Variants in PPM1H observed in about 807,000 individuals in gnomAD.
PPM1H encodes the protein protein phosphatase 1H.
Under a neutral mutation model 54.9 loss-of-function variants are expected in PPM1H, and 27 were observed. The ratio of observed to expected loss-of-function variants is 0.49; its 90% CI spans 0.36 to 0.68. The LOEUF is 0.68. Ranked by LOEUF, PPM1H falls within the 30% of genes least tolerant of loss-of-function variation. PPM1H has a pLI of 0.00. For synonymous variants in PPM1H, 305 were observed against 270.8 expected, an observed-to-expected ratio of 1.13 and a Z score of -1.24; for missense variants, 596 against 667.8, an observed-to-expected ratio of 0.89 and a Z score of 1.19.
chr12:62,886,082 C>T (rs1199278172), intron 1 of PPM1H, among the ~76,000 whole-genome samples: 8 of 152,226 alleles, frequency 5.3e-5, no homozygotes, highest in Non-Finnish European at 1.2e-4. Flanking sequence ...CATCTACAGT[C>T]AATATTTTTT....
intron 1 of PPM1H, among the ~76,000 whole-genome samples, chr12:62,932,974 AAT>A (rs1441170294): frequency 6.6e-6 from 1 of 152,068 alleles, no homozygotes; most frequent in Non-Finnish European, 1.5e-5. Context: ...TCAGTCAAGA[AAT>A]AGTGTTTGGT....
chr12:62,815,789 C>G (rs1039414650), intron 2 of PPM1H, among the ~76,000 whole-genome samples: 2 of 152,128 alleles, frequency 1.3e-5, no homozygotes, highest in African/African-American at 4.8e-5. Context: ...GATAACACAT[C>G]TAGTAAGGGG....
chr12:62,874,616 A>G (rs928230924), intron 1 of PPM1H, among the ~76,000 whole-genome samples: 2 of 152,174 alleles, frequency 1.3e-5, no homozygotes, highest in Non-Finnish European at 2.9e-5. Flanking sequence ...GATCTAAGAA[A>G]CTAGGACACA....
At chr12:62,908,092 A>G (rs1871352709) in intron 1 of PPM1H, among the ~76,000 whole-genome samples, 1 of 152,206 alleles carries the variant, frequency 6.6e-6, no homozygotes, top group Non-Finnish European at 1.5e-5. Context: ...TACAATCAAA[A>G]TCGTGCATGC....
At chr12:62,914,389 G>T (rs982010005) in intron 1 of PPM1H, among the ~76,000 whole-genome samples, 1 of 152,120 alleles carries the variant, frequency 6.6e-6, no homozygotes, top group Admixed American at 6.5e-5. Context: ...CCTAGCCTTT[G>T]GTATTCCTTT....
At chr12:62,656,587 G>A (rs1439311800) in intron 9 of PPM1H, among the ~76,000 whole-genome samples, 1 of 152,148 alleles carries the variant, frequency 6.6e-6, no homozygotes, top group South Asian at 2.1e-4. Flanking sequence ...TTGTTGGGTG[G>A]GAACTTCAAT....
intron 6 of PPM1H, among the ~76,000 whole-genome samples, chr12:62,704,074 A>C (rs2076159810): frequency 1.3e-5 from 2 of 150,706 alleles, no homozygotes; most frequent in South Asian, 4.2e-4. Flanking sequence ...TTATATTTTA[A>C]ATGTCATCTT....
Position 62,657,258 on chromosome 12 carries a change from T to G in PPM1H, c.1398-8622A>C, listed in dbSNP as rs188121451. 1.4e-3 allele frequency among the ~76,000 whole-genome samples: 206 copies of G among 152,310 alleles called. 1 individual carries two copies. Among genetic ancestry groups the G allele is most frequent in the Admixed American group, 3.4e-3 (52 of 15,300 alleles). On this transcript the variant is annotated intron_variant, in intron 9 of 9. Coordinates refer to ENST00000228705, the MANE Select transcript of PPM1H (RefSeq NM_020700.2). ...ACCCTGGCCCTGGTTCCCTGGTTTCTTAGGTGGTAGGTTTTTAGTTCAAAT... is the reference window on the plus strand; with the variant it reads ...ACCCTGGCCCTGGTTCCCTGGTTTCGTAGGTGGTAGGTTTTTAGTTCAAAT...
intron 2 of PPM1H, among the ~76,000 whole-genome samples, chr12:62,816,913 T>C (rs1181427202): frequency 1.3e-5 from 2 of 151,446 alleles, no homozygotes; most frequent in African/African-American, 2.4e-5. Context: ...AGTGAAACCA[T>C]GTTGTGTTCT....
chr12:62,746,626 A>G (rs1487156348), intron 4 of PPM1H, among the ~76,000 whole-genome samples: 3 of 152,228 alleles, frequency 2.0e-5, no homozygotes, highest in Non-Finnish European at 4.4e-5. Context: ...GGCAGCCAAC[A>G]GCCAATTACG....
intron 3 of PPM1H, among the ~76,000 whole-genome samples, chr12:62,791,626 A>C (rs1441003196): frequency 6.6e-6 from 1 of 152,180 alleles, no homozygotes; most frequent in African/African-American, 2.4e-5. Flanking sequence ...ATTTATTAAA[A>C]ATTATTTGAA....
chr12:62,721,932 TA>T (rs1289963092), intron 5 of PPM1H, among the ~76,000 whole-genome samples: 2 of 152,194 alleles, frequency 1.3e-5, no homozygotes, highest in African/African-American at 2.4e-5. Flanking sequence ...TTCACCCTCT[TA>T]ACAATCTTCT....
At chr12:62,685,431 C>T (rs1004282542) in intron 8 of PPM1H, among the ~76,000 whole-genome samples, 1 of 152,130 alleles carries the variant, frequency 6.6e-6, no homozygotes, top group Non-Finnish European at 1.5e-5. Flanking sequence ...GGCTTCTCTC[C>T]CCTACAGAAC....
intron 5 of PPM1H, among the ~76,000 whole-genome samples, chr12:62,730,711 C>G (rs1310719062): frequency 6.6e-6 from 1 of 151,816 alleles, no homozygotes; most frequent in African/African-American, 2.4e-5. Flanking sequence ...GGGAAAATCT[C>G]CTCAGATTAT....
rs575586449 is a variant in PPM1H at position 62,648,716 on chromosome 12, G to A, written c.1398-80C>T. On this transcript the variant is annotated intron_variant, in intron 9 of 9. Coordinates refer to ENST00000228705, the MANE Select transcript of PPM1H (RefSeq NM_020700.2). ...GGTCAAGTGAGGCTGGGAAGGGGGA[G>A]GCATCACTACAGTTGTATAAATAAG... The A allele has an allele frequency of 1.6e-5, 23 of 1,463,174 alleles. No individual in the cohort carries two copies. In the East Asian group the frequency reaches 4.8e-4, roughly 30 times the overall value. The allele number at this position is 1,463,174 out of a possible 1,614,324, so 90.6% of individuals were successfully genotyped here.
Position 62,708,760 on chromosome 12 carries a change from C to T in PPM1H, c.1073+11411G>A, listed in dbSNP as rs576303876. 2.0e-5 allele frequency among the ~76,000 whole-genome samples: 3 copies of T among 152,170 alleles called. No homozygotes were observed. The South Asian group carries it at 6.2e-4, about 32-fold the overall frequency. ...ATTTTGGATTCAGGAGGTACATGGGCAGCTTTGTTACACTGGTATATTGTG... is the reference window on the plus strand; with the variant it reads ...ATTTTGGATTCAGGAGGTACATGGGTAGCTTTGTTACACTGGTATATTGTG... On this transcript the variant is annotated intron_variant, in intron 6 of 9. Coordinates refer to ENST00000228705, the MANE Select transcript of PPM1H (RefSeq NM_020700.2).
chr12:62,757,238 A>T (rs1307477188), intron 4 of PPM1H, among the ~76,000 whole-genome samples: 1 of 152,212 alleles, frequency 6.6e-6, no homozygotes. Flanking sequence ...GAGGAAGAAC[A>T]TCATGGATAA....
chr12:62,714,563 CT>C (rs1274938826), intron 6 of PPM1H, among the ~76,000 whole-genome samples: 1 of 152,118 alleles, frequency 6.6e-6, no homozygotes, highest in African/African-American at 2.4e-5. Context: ...AGCCTACCCC[CT>C]GCCGCCACCA....
intron 1 of PPM1H, among the ~76,000 whole-genome samples, chr12:62,878,300 C>T (rs1870254706): frequency 6.6e-6 from 1 of 152,156 alleles, no homozygotes; most frequent in African/African-American, 2.4e-5. Context: ...ACATGTTCTT[C>T]ATCCCCGCTT....
Sources: allele counts gnomAD v4.1 joint callset (sites outside exome capture counted in the v4.1 genomes callset), GRCh38; gene constraint gnomAD v4.1.1; transcripts MANE v1.5; gene names NCBI Gene and HGNC (gene_info 2026-07-23, HGNC 2026-07-21).